RPS6KA5: variants seen among roughly 807,000 people sequenced by gnomAD.
RPS6KA5 encodes the protein ribosomal protein S6 kinase alpha-5.
A neutral mutation model predicts 85.5 loss-of-function variants in RPS6KA5; 27 were observed. That is an observed-to-expected ratio of 0.32 (90% CI 0.23 to 0.44). The LOEUF is 0.44. Ranked by LOEUF, RPS6KA5 falls within the 20% of genes least tolerant of loss-of-function variation. RPS6KA5 has a pLI of 1.00. For synonymous variants in RPS6KA5, 334 were observed against 348.2 expected (o/e 0.96, Z 0.46); for missense variants, 811 against 980.9 (o/e 0.83, Z 2.31).
intron 6 of RPS6KA5, among the ~76,000 whole-genome samples, chr14:90,921,235 G>A (rs1039195174): frequency 2.6e-5 from 4 of 152,140 alleles, no homozygotes; most frequent in Non-Finnish European, 5.9e-5. Flanking sequence ...AAAATACAGA[G>A]TGCTGACATA....
At chr14:91,048,009 C>A (rs1022158705) in intron 1 of RPS6KA5, among the ~76,000 whole-genome samples, 1 of 152,220 alleles carries the variant, frequency 6.6e-6, no homozygotes, top group African/African-American at 2.4e-5. Context: ...CCAAAATAAT[C>A]TCCCCATCTC....
At chr14:91,041,849 A>G (rs1407423257) in intron 1 of RPS6KA5, among the ~76,000 whole-genome samples, 1 of 152,272 alleles carries the variant, frequency 6.6e-6, no homozygotes, top group Non-Finnish European at 1.5e-5. Flanking sequence ...CAGTGTTTAC[A>G]TATCCAACCG....
intron 14 of RPS6KA5, among the ~76,000 whole-genome samples, chr14:90,889,117 A>G (rs1392209171): frequency 1.3e-5 from 2 of 152,070 alleles, no homozygotes; most frequent in Admixed American, 1.3e-4. Context: ...AACATGGTAA[A>G]ACCTCGTCTC....
chr14:91,023,132 C>T (rs537882196), intron 1 of RPS6KA5, among the ~76,000 whole-genome samples: 13 of 147,624 alleles, frequency 8.8e-5, no homozygotes, highest in Non-Finnish European at 1.9e-4. Context: ...TACCTATGGG[C>T]CCATCCTTGT....
At chr14:90,919,694 C>T (rs894717392) in intron 7 of RPS6KA5, among the ~76,000 whole-genome samples, 2 of 151,950 alleles carry the variant, frequency 1.3e-5, no homozygotes, top group African/African-American at 2.4e-5. Context: ...TAATTATAAA[C>T]AAAAATGCAA....
At chr14:90,961,910 A>C (rs1022101649) in intron 3 of RPS6KA5, among the ~76,000 whole-genome samples, 1 of 152,228 alleles carries the variant, frequency 6.6e-6, no homozygotes, top group African/African-American at 2.4e-5. Context: ...CTGGCTGTTA[A>C]GGCAGAGGAT....
At chr14:90,916,718 G>C (rs2036136043) in intron 7 of RPS6KA5, among the ~76,000 whole-genome samples, 1 of 151,908 alleles carries the variant, frequency 6.6e-6, no homozygotes, top group Admixed American at 6.6e-5. Flanking sequence ...TGAAATTACA[G>C]GTTGACACCA....
chr14:90,948,685 ACT>A (rs1294020433), intron 3 of RPS6KA5, among the ~76,000 whole-genome samples: 3 of 150,788 alleles, frequency 2.0e-5, no homozygotes, highest in Admixed American at 6.6e-5. Flanking sequence ...AAAGAGTGAG[ACT>A]CTGTCTCAAA....
chr14:91,026,728 T>C (rs2042004890), intron 1 of RPS6KA5, among the ~76,000 whole-genome samples: 1 of 152,222 alleles, frequency 6.6e-6, no homozygotes, highest in Admixed American at 6.5e-5. Flanking sequence ...GTGGCTGAAC[T>C]AATTTACATT....
rs920205370 is a variant in RPS6KA5 at position 91,059,054 on chromosome 14, A to AC, written c.103+1277dup. On this transcript the variant is annotated intron_variant, in intron 1 of 16. Coordinates refer to ENST00000614987, the MANE Select transcript of RPS6KA5 (RefSeq NM_004755.4). ...CAATTAAATAATAACCCGGCCGGGC[A>AC]CGGTGGCTCACGCCTGTAATCCCAG... 6.0e-4 allele frequency among the ~76,000 whole-genome samples: 91 copies of AC among 152,216 alleles called. 1 individual carries two copies. Among genetic ancestry groups the AC allele is most frequent in the Admixed American group, 4.3e-3 (65 of 15,290 alleles).
intron 3 of RPS6KA5, among the ~76,000 whole-genome samples, chr14:90,955,939 G>A (rs962265006): frequency 2.6e-5 from 4 of 151,928 alleles, no homozygotes; most frequent in African/African-American, 9.7e-5. Context: ...GATCTCTGTG[G>A]GTTCTGCATC....
At chr14:90,928,645 TAAC>T (rs2036807327) in intron 5 of RPS6KA5, among the ~76,000 whole-genome samples, 1 of 150,070 alleles carries the variant, frequency 6.7e-6, no homozygotes, top group African/African-American at 2.4e-5. Context: ...ATAAAAATGT[TAAC>T]ATTCAAGAAG....
At chr14:91,020,669 T>C (rs558238854) in intron 1 of RPS6KA5, among the ~76,000 whole-genome samples, 2 of 151,498 alleles carry the variant, frequency 1.3e-5, no homozygotes, top group Non-Finnish European at 2.9e-5. Flanking sequence ...TGTATGTGTA[T>C]GTATATATCC....
At chr14:91,024,886 T>A (rs1246705127) in intron 1 of RPS6KA5, among the ~76,000 whole-genome samples, 2 of 152,178 alleles carry the variant, frequency 1.3e-5, no homozygotes, top group African/African-American at 4.8e-5. Context: ...CAATTTTTTT[T>A]TTAAATTTTT....
chr14:90,947,069 T>C (rs79207325), intron 4 of RPS6KA5, among the ~76,000 whole-genome samples: 2,707 of 152,268 alleles, frequency 0.018, 70 homozygotes, highest in African/African-American at 0.063. Flanking sequence ...ACAGGCAGAG[T>C]CTGCAATGCA....
At chr14:90,908,334 G>A (rs779660175) in intron 7 of RPS6KA5, among the ~76,000 whole-genome samples, 1 of 152,158 alleles carries the variant, frequency 6.6e-6, no homozygotes, top group Non-Finnish European at 1.5e-5. Context: ...GCATGTCGGC[G>A]GAAAACAGTG....
chr14:90,959,934 G>A (rs532357356), intron 3 of RPS6KA5, among the ~76,000 whole-genome samples: 5 of 152,102 alleles, frequency 3.3e-5, no homozygotes, highest in Non-Finnish European at 5.9e-5. Context: ...AGCAAGTACT[G>A]ACAGCACATG....
intron 1 of RPS6KA5, among the ~76,000 whole-genome samples, chr14:91,006,829 A>C (rs1377255757): frequency 6.6e-6 from 1 of 152,134 alleles, no homozygotes; most frequent in African/African-American, 2.4e-5. Context: ...TCAGCCTCCC[A>C]AAGTGCTGGG....
intron 1 of RPS6KA5, among the ~76,000 whole-genome samples, chr14:91,045,260 C>CTTT (rs557182210): frequency 8.3e-5 from 11 of 132,852 alleles, no homozygotes; most frequent in East Asian, 6.7e-4. Context: ...TCTGCTGATT[C>CTTT]TTTTTTTTTT....
Sources: allele counts gnomAD v4.1 joint callset (sites outside exome capture counted in the v4.1 genomes callset), GRCh38; gene constraint gnomAD v4.1.1; transcripts MANE v1.5; gene names NCBI Gene and HGNC (gene_info 2026-07-23, HGNC 2026-07-21).